PWP1: variants seen among roughly 807,000 people sequenced by gnomAD.
PWP1 encodes PWP1 homolog, endonuclein.
In PWP1, 47 loss-of-function variants were observed where a neutral mutation model predicts 69.9. The observed-to-expected ratio is 0.67, with a 90% CI of 0.53 to 0.86. PWP1 has a LOEUF of 0.86. Among genes scored for constraint, PWP1 ranks in the 40% least tolerant of loss-of-function variants. PWP1 has a pLI of 0.00. For synonymous variants in PWP1, 222 were observed against 208.2 expected (o/e 1.07, Z -0.57); for missense variants, 551 against 608.8 (o/e 0.91, Z 1.00).
intron 1 of PWP1, chr12:107,686,200 C>T (rs2241218): frequency 0.26 from 153,306 of 585,706 alleles, 23,876 homozygotes; most frequent in East Asian, 0.62. Flanking sequence ...CACCCTCAAG[C>T]CCAACCCCAC....
chr12:107,691,257 C>T lies in PWP1; in HGVS notation c.320-1557C>T, dbSNP rs138526290. ...AAAGACCCAAAGGAGGGGAAATGCT[C>T]GGCAAGTTGATCTGCATGAGTGAAG... On this transcript the variant is annotated intron_variant, in intron 3 of 14. Transcript: ENST00000412830. Among the ~76,000 whole-genome samples, 13 of 152,244 alleles carry T rather than the reference C, an allele frequency of 8.5e-5. No homozygotes were observed. The East Asian group carries it at 1.4e-3, about 16-fold the overall frequency.
chr12:107,697,798 T>C (rs1182263368), intron 7 of PWP1: 1 of 616,380 alleles, frequency 1.6e-6, no homozygotes, highest in African/African-American at 1.8e-5. Context: ...ACCTCCATTA[T>C]CATGTTGTTC....
intron 1 of PWP1, among the ~76,000 whole-genome samples, chr12:107,687,449 A>G (rs540016131): frequency 6.6e-6 from 1 of 152,336 alleles, no homozygotes; most frequent in African/African-American, 2.4e-5. Flanking sequence ...ACTCCCAAGT[A>G]TTGTGTTGTA....
At chr12:107,701,235 C>A (rs1889703134) in intron 8 of PWP1, among the ~76,000 whole-genome samples, 1 of 152,100 alleles carries the variant, frequency 6.6e-6, no homozygotes, top group Non-Finnish European at 1.5e-5. Context: ...TCAGGTGATC[C>A]TCCCACCTCA....
intron 5 of PWP1, among the ~76,000 whole-genome samples, chr12:107,694,409 G>A (rs977441247): frequency 3.3e-5 from 5 of 152,026 alleles, no homozygotes; most frequent in African/African-American, 7.2e-5. Flanking sequence ...AATGTTTATC[G>A]CCATCTTCTA....
rs928072205 is a variant in PWP1 at position 107,712,344 on chromosome 12, C to A, written c.*124C>A. 30 of 679,318 alleles carry A rather than the reference C, an allele frequency of 4.4e-5. No homozygotes were observed. The highest frequency in any genetic ancestry group is 7.3e-5 in the Non-Finnish European group (29 of 397,610). The allele number at this position is 679,318 out of a possible 1,614,324, so 42.1% of individuals were successfully genotyped here. A position where few individuals can be genotyped will look rare whatever the true frequency, so the allele number is the denominator to read the frequency against. On this transcript the variant is annotated 3_prime_UTR_variant, in exon 15 of 15. Transcript: ENST00000412830. ...ACACAATTCATTTCTGACTGACATT[C>A]CTTTCTGCAACTGCGGTGGCACCAC... is the stretch of plus-strand genomic sequence containing the variant.
At chr12:107,696,339 C>T (rs1340641393) in intron 5 of PWP1, 135 bp from the exon 6 acceptor site, 3 of 1,316,492 alleles carry the variant, frequency 2.3e-6, no homozygotes, top group Non-Finnish European at 3.0e-6. Flanking sequence ...AGCCTGGAAT[C>T]TCTTTATAAT....
Position 107,708,912 on chromosome 12 carries a change from TTTACTC to T in PWP1, c.1078-11_1078-6del, listed in dbSNP as rs1889882679. 1 of 1,610,852 alleles carries T rather than the reference TTTACTC, an allele frequency of 6.2e-7. No individual in the cohort carries two copies. The highest frequency in any genetic ancestry group is 1.1e-5 in the South Asian group (1 of 90,862). On this transcript the variant is annotated splice_polypyrimidine_tract_variant and splice_region_variant and intron_variant, in intron 11 of 14. Coordinates refer to ENST00000412830, the MANE Select transcript of PWP1 (RefSeq NM_007062.3). ...TGACGTAGCATGACCTTGCCCATCT[TTTACTC>T]TTTCTAGGCCAGTACAGATGACGGC...
intron 5 of PWP1, 66 bp downstream of exon 5, chr12:107,693,162 CCATTT>C: frequency 6.5e-7 from 1 of 1,529,168 alleles, no homozygotes; most frequent in Admixed American, 2.2e-5. Flanking sequence ...GAAATAGTTA[CCATTT>C]CATTTTTAGG....
chr12:107,697,935 T>G (rs1889624659), intron 7 of PWP1: 36 of 369,092 alleles, frequency 9.8e-5, no homozygotes, highest in South Asian at 7.1e-4. Context: ...AACCTTGAAC[T>G]TTAAAAAAAT....
rs993857559 is a variant in PWP1 at position 107,712,244 on chromosome 12, T to A, written c.*24T>A. ...AATGAAGATCATCTAATTTCCTGCT[T>A]ACCTTAACTGGGAATTTTAAAAAGT... On this transcript the variant is annotated 3_prime_UTR_variant, in exon 15 of 15. Coordinates refer to ENST00000412830, the MANE Select transcript of PWP1 (RefSeq NM_007062.3). The A allele has an allele frequency of 1.3e-5, 20 of 1,572,346 alleles. No homozygotes were observed. Among genetic ancestry groups the A allele is most frequent in the Non-Finnish European group, 1.7e-5 (20 of 1,143,468 alleles).
Position 107,685,941 on chromosome 12 carries a change from C to T in PWP1, c.42C>T (p.Arg14=). The T allele has an allele frequency of 6.2e-7, 1 of 1,613,962 alleles. No homozygotes were observed. Among genetic ancestry groups the T allele is most frequent in the Non-Finnish European group, 8.5e-7 (1 of 1,179,978 alleles). ...AGGTGACGTGCGTGGCCTGGGTCCG[C>T]TGCGGCGTGGCCAAAGAGACACCAG... ...SRQVTCVAWV[R]CGVAKETPDK... The change falls in exon 1 of 15, where the codon CGC becomes CGT. Residue 14 remains arginine (R), a synonymous_variant. Transcript: ENST00000412830.
chr12:107,696,686 T>C, intron 6 of PWP1, 102 bp downstream of exon 6: 1 of 1,511,998 alleles, frequency 6.6e-7, no homozygotes, highest in South Asian at 1.2e-5. Context: ...GAATTGTTGC[T>C]GATATTTTCT....
intron 11 of PWP1, among the ~76,000 whole-genome samples, chr12:107,708,042 G>A (rs1309370000): frequency 6.6e-6 from 1 of 152,154 alleles, no homozygotes; most frequent in African/African-American, 2.4e-5. Flanking sequence ...TAGTAGAGGT[G>A]CATGCTGTTC....
rs1889593067 is a variant in PWP1, at chr12:107,696,515, A to G, written c.544A>G (p.Ile182Val). The change falls in exon 6 of 15, where the codon ATA (isoleucine) becomes GTA (valine). Residue 182 changes from isoleucine to valine, a missense_variant. By Grantham distance (29) the Ile-to-Val change is conservative. Transcript: ENST00000412830. ...EEDSFYVHHD[I>V]LLSAYPLSVE... Reference sequence around the variant, plus strand: ...AGACTCTTTTTATGTACACCATGATATACTCTTGTCTGCATATCCTCTGAG... The same window carrying G: ...AGACTCTTTTTATGTACACCATGATGTACTCTTGTCTGCATATCCTCTGAG... 6.2e-7 allele frequency: 1 copy of G among 1,614,092 alleles called. No individual in the cohort carries two copies. The highest frequency in any genetic ancestry group is 1.3e-5 in the African/African-American group (1 of 75,026).
At chr12:107,690,532 C>T (rs561210335) in intron 3 of PWP1, among the ~76,000 whole-genome samples, 8 of 152,244 alleles carry the variant, frequency 5.3e-5, no homozygotes, top group African/African-American at 1.9e-4. Flanking sequence ...AGTGCAATCT[C>T]GGCTCACTGC....
In PWP1 at chr12:107,688,772, TTAGA is replaced by T; in HGVS notation, c.292_295del (p.Asp98AsnfsTer34). On this transcript the variant is annotated frameshift_variant, in exon 3 of 15. Coordinates refer to ENST00000412830, the MANE Select transcript of PWP1 (RefSeq NM_007062.3). LOFTEE classifies it high-confidence loss of function. ...TGATGATGAGCTGGCTGAGTACGAC[TTAGA>T]TAAATATGATGAGGAAGGTGACCCA... is the stretch of plus-strand genomic sequence containing the variant. 6.2e-7 allele frequency: 1 copy of T among 1,614,104 alleles called. No homozygotes were observed. The highest frequency in any genetic ancestry group is 8.5e-7 in the Non-Finnish European group (1 of 1,179,992).
At chr12:107,694,979 G>T (rs961539635) in intron 5 of PWP1, among the ~76,000 whole-genome samples, 2 of 152,002 alleles carry the variant, frequency 1.3e-5, no homozygotes, top group Non-Finnish European at 2.9e-5. Context: ...CCAGTTGCTG[G>T]GCGTAGTGAC....
intron 14 of PWP1, 135 bp from the exon 15 acceptor site, chr12:107,711,976 C>A: frequency 1.6e-6 from 1 of 635,790 alleles, no homozygotes; most frequent in Non-Finnish European, 2.7e-6. Context: ...AGAACATTAA[C>A]TTGGACTTCT....
Sources: gnomAD v4.1 joint callset for allele counts (sites outside exome capture counted in the v4.1 genomes callset) on GRCh38, gnomAD v4.1.1 for gene constraint, MANE v1.5 for transcripts, NCBI Gene and HGNC (gene_info 2026-07-23, HGNC 2026-07-21) for gene names.